ROBO1: variants seen among roughly 807,000 people sequenced by gnomAD.
ROBO1 encodes the protein roundabout guidance receptor 1.
A neutral mutation model predicts 195.9 loss-of-function variants in ROBO1; 149 were observed. That is an observed-to-expected ratio of 0.76 (90% CI 0.67 to 0.87). The LOEUF (loss-of-function observed/expected upper bound fraction) is 0.87, where lower values mean the gene tolerates loss of function less well. Ranked by LOEUF, ROBO1 falls within the 40% of genes least tolerant of loss-of-function variation. ROBO1 has a pLI of 0.00. For synonymous variants in ROBO1, 816 were observed against 733.2 expected, an observed-to-expected ratio of 1.11 and a Z score of -1.82; for missense variants, 1,933 against 2,068.3, an observed-to-expected ratio of 0.93 and a Z score of 1.27.
intron 2 of ROBO1, among the ~76,000 whole-genome samples, chr3:79,517,082 T>A (rs1300053015): frequency 6.6e-6 from 1 of 152,170 alleles, no homozygotes; most frequent in Non-Finnish European, 1.5e-5. Flanking sequence ...TTGAATTCTT[T>A]CCCTTAGTGT....
intron 2 of ROBO1, among the ~76,000 whole-genome samples, chr3:79,515,227 C>A (rs1459637755): frequency 6.6e-6 from 1 of 152,202 alleles, no homozygotes; most frequent in Non-Finnish European, 1.5e-5. Context: ...GCTTCCTGCA[C>A]TGTTGAACAA....
In ROBO1 at chr3:79,402,065, T is replaced by C. The variant is rs546413372; in HGVS notation, c.88+187759A>G. On this transcript the variant is annotated intron_variant, in intron 2 of 30. Transcript: ENST00000464233. Reference sequence around the variant, plus strand: ...TTTGATTACTTGATATATAAGCTACTGTTCAGTGTGTTTTTTTAAGCTTTG... The same window carrying C: ...TTTGATTACTTGATATATAAGCTACCGTTCAGTGTGTTTTTTTAAGCTTTG... Among the ~76,000 whole-genome samples the C allele has an allele frequency of 9.2e-5, 14 of 152,062 alleles. No individual in the cohort carries two copies. The East Asian group carries it at 2.7e-3, about 29-fold the overall frequency.
At chr3:78,824,356 C>T (rs1275849740) in intron 4 of ROBO1, among the ~76,000 whole-genome samples, 1 of 152,164 alleles carries the variant, frequency 6.6e-6, no homozygotes, top group Non-Finnish European at 1.5e-5. Context: ...TCTAAAAACA[C>T]ATATTTTTAT....
chr3:79,735,900 A>AAAAAAAACAC (rs1560143991), intron 1 of ROBO1, among the ~76,000 whole-genome samples: 5 of 149,824 alleles, frequency 3.3e-5, no homozygotes, highest in African/African-American at 1.2e-4. Flanking sequence ...AAAAAAAACA[A>AAAAAAAACAC]AAAATGCCTG....
In ROBO1 at chr3:79,329,279, A is replaced by G. The variant is rs866003430; in HGVS notation, c.89-203740T>C. On this transcript the variant is annotated intron_variant, in intron 2 of 30. Coordinates refer to ENST00000464233, the MANE Select transcript of ROBO1 (RefSeq NM_002941.4). Reference sequence around the variant, plus strand: ...TCTAAAGCTTTACTAATCTAGGTCAATTGTTCCTAGTTCTCTCAAACATTT... The same window carrying G: ...TCTAAAGCTTTACTAATCTAGGTCAGTTGTTCCTAGTTCTCTCAAACATTT... Among the ~76,000 whole-genome samples the G allele has an allele frequency of 3.3e-5, 5 of 152,284 alleles. No homozygotes were observed. The Middle Eastern group carries it at 0.01, about 311-fold the overall frequency.
chr3:79,396,415 G>A (rs1481575746), intron 2 of ROBO1, among the ~76,000 whole-genome samples: 1 of 151,822 alleles, frequency 6.6e-6, no homozygotes, highest in South Asian at 2.1e-4. Flanking sequence ...TACTCTAAAA[G>A]GACTGTATGC....
At chr3:78,839,652 G>T (rs1289855139) in intron 4 of ROBO1, among the ~76,000 whole-genome samples, 1 of 152,086 alleles carries the variant, frequency 6.6e-6, no homozygotes, top group African/African-American at 2.4e-5. Flanking sequence ...GCAACAGCAT[G>T]ATTTATCAAC....
intron 2 of ROBO1, among the ~76,000 whole-genome samples, chr3:79,456,091 A>G (rs2039611204): frequency 6.6e-6 from 1 of 152,078 alleles, no homozygotes. Context: ...AATCTTCCTG[A>G]CCATACGTGT....
intron 2 of ROBO1, among the ~76,000 whole-genome samples, chr3:79,136,928 A>G (rs116246177): frequency 6.8e-4 from 104 of 152,230 alleles, no homozygotes; most frequent in African/African-American, 2.5e-3. Flanking sequence ...AGCTGAAGAA[A>G]TCTATGTACT....
rs199755450 is a variant in ROBO1, at chr3:79,162,303, C to T, written c.89-36764G>A. The stretch of plus-strand genomic sequence containing the variant: ...AGAAGATATAGCATCCAAAATATTG[C>T]CAAGAATTTAATAGGAGGAAAGAAG... On this transcript the variant is annotated intron_variant, in intron 2 of 30. Coordinates refer to ENST00000464233, the MANE Select transcript of ROBO1 (RefSeq NM_002941.4). Among the ~76,000 whole-genome samples, 4 of 151,554 alleles carry T rather than the reference C, an allele frequency of 2.6e-5. No homozygotes were observed. In the East Asian group the frequency reaches 7.8e-4, roughly 30 times the overall value.
intron 1 of ROBO1, among the ~76,000 whole-genome samples, chr3:79,704,753 A>T (rs1419033303): frequency 6.6e-6 from 1 of 152,018 alleles, no homozygotes; most frequent in African/African-American, 2.4e-5. Context: ...CTTTTGTAAG[A>T]TATCACCAAA....
chr3:78,625,135 G>A (rs1704684320), intron 26 of ROBO1, among the ~76,000 whole-genome samples: 2 of 152,128 alleles, frequency 1.3e-5, no homozygotes, highest in Non-Finnish European at 2.9e-5. Context: ...AAGAAAAGTG[G>A]AATCCATTTA....
At chr3:79,589,763 G>A in intron 2 of ROBO1, 61 bp downstream of exon 2, 2 of 1,336,140 alleles carry the variant, frequency 1.5e-6, no homozygotes, top group Non-Finnish European at 2.1e-6. Context: ...AATAAAAAGT[G>A]AATTTAAAGC....
chr3:79,243,846 T>C (rs1576866583), intron 2 of ROBO1, among the ~76,000 whole-genome samples: 1 of 152,298 alleles, frequency 6.6e-6, no homozygotes, highest in East Asian at 1.9e-4. Flanking sequence ...TAGATCCCAT[T>C]TGTCAATTTT....
At position 79,509,235 on chromosome 3, in the gene ROBO1, C is replaced by T. The variant is rs542327520; in HGVS notation, c.88+80589G>A. Among the ~76,000 whole-genome samples, 6 of 151,540 alleles carry T rather than the reference C, an allele frequency of 4.0e-5. No individual in the cohort carries two copies. The South Asian group carries it at 1.0e-3, about 26-fold the overall frequency. Reference sequence around the variant, plus strand: ...ACATATTCTGGGATTATAGCTGGTTCTACTTTATTATTTTTTTTTTCTGGA... The same window carrying T: ...ACATATTCTGGGATTATAGCTGGTTTTACTTTATTATTTTTTTTTTCTGGA... On this transcript the variant is annotated intron_variant, in intron 2 of 30. Transcript: ENST00000464233.
At chr3:78,770,048 T>A (rs1272387207) in intron 4 of ROBO1, among the ~76,000 whole-genome samples, 1 of 152,190 alleles carries the variant, frequency 6.6e-6, no homozygotes, top group Non-Finnish European at 1.5e-5. Context: ...CTGATGACAG[T>A]GTGCCTAGGT....
At chr3:79,615,839 T>C (rs1944801756) in intron 1 of ROBO1, among the ~76,000 whole-genome samples, 1 of 152,182 alleles carries the variant, frequency 6.6e-6, no homozygotes, top group African/African-American at 2.4e-5. Flanking sequence ...GCTTACATTT[T>C]ACCGTATAAA....
intron 2 of ROBO1, among the ~76,000 whole-genome samples, chr3:79,512,112 T>C (rs1940736549): frequency 6.6e-6 from 1 of 152,146 alleles, no homozygotes; most frequent in African/African-American, 2.4e-5. Flanking sequence ...TAGTAATGTC[T>C]ACACATCGTC....
chr3:78,694,251 T>C (rs898414533), intron 8 of ROBO1, among the ~76,000 whole-genome samples: 1 of 152,158 alleles, frequency 6.6e-6, no homozygotes, highest in African/African-American at 2.4e-5. Flanking sequence ...TACTGCCAAA[T>C]GCAGAACTTT....
Sources: allele counts gnomAD v4.1 joint callset (sites outside exome capture counted in the v4.1 genomes callset), GRCh38; gene constraint gnomAD v4.1.1; transcripts MANE v1.5; gene names NCBI Gene and HGNC (gene_info 2026-07-23, HGNC 2026-07-21).